SCLY: variants seen among roughly 807,000 people sequenced by gnomAD.
SCLY encodes the protein putative selenocysteine lyase.
A neutral mutation model predicts 50.1 loss-of-function variants in SCLY; 38 were observed. That is an observed-to-expected ratio of 0.76 (90% CI 0.59 to 0.99). The LOEUF (loss-of-function observed/expected upper bound fraction) is 0.99. Among genes scored for constraint, SCLY ranks in the 50% least tolerant of loss-of-function variants. The probability of loss-of-function intolerance (pLI) is 0.00; values close to 1 mark genes in which losing one functional copy is unlikely to be tolerated. For synonymous variants in SCLY, 243 were observed against 249.4 expected, an observed-to-expected ratio of 0.97 and a Z score of 0.24; for missense variants, 600 against 620.0, an observed-to-expected ratio of 0.97 and a Z score of 0.34.
At chr2:238,077,745 C>T (rs2252416) in intron 4 of SCLY, among the ~76,000 whole-genome samples, 42,430 of 152,062 alleles carry the variant, frequency 0.28, 6,400 homozygotes, top group East Asian at 0.51. Flanking sequence ...TCATCTGATA[C>T]CTGAATGTAT....
At chr2:238,091,339 G>T in intron 8 of SCLY, 85 bp downstream of exon 8, 1 of 1,093,900 alleles carries the variant, frequency 9.1e-7, no homozygotes, top group South Asian at 1.2e-5. Context: ...TGGGGCTTTA[G>T]GGAGATCATA....
chr2:238,082,934 T>A (rs528290176), intron 6 of SCLY: 451 of 320,394 alleles, frequency 1.4e-3, no homozygotes, highest in Admixed American at 3.5e-3. Flanking sequence ...TTTTTTTTTT[T>A]AAACCTGTGA....
At chr2:238,068,040 T>C (rs769178467) in intron 2 of SCLY, 25 bp from the exon 3 acceptor site, 4 of 1,551,122 alleles carry the variant, frequency 2.6e-6, no homozygotes, top group Admixed American at 3.5e-5. Context: ...GCAATGTTAA[T>C]GAATTTCCTT....
Position 238,068,129 on chromosome 2 carries a change from A to G in SCLY, c.267A>G (p.Lys89=), listed in dbSNP as rs144982752. ...RESLAKMIGG[K]PQDIIFTSGG... is the part of the protein sequence containing the mutation. ...GCCTCGCGAAGATGATAGGGGGGAA[A>G]CCTCAAGATATAATCTTCACTTCCG... The change falls in exon 3 of 12, where the codon AAA becomes AAG. Residue 89 remains lysine (K), a synonymous_variant. Transcript: ENST00000254663. 1.3e-4 allele frequency: 207 copies of G among 1,611,340 alleles called. No homozygotes were observed. The highest frequency in any genetic ancestry group is 1.7e-4 in the Non-Finnish European group (201 of 1,178,888).
chr2:238,076,683 G>C (rs2441680), intron 4 of SCLY, among the ~76,000 whole-genome samples: 3 of 149,130 alleles, frequency 2.0e-5, no homozygotes, highest in Non-Finnish European at 4.5e-5. Context: ...AATCCCCCTC[G>C]GTGAGAAACA....
chr2:238,064,750 G>GA lies in SCLY; in HGVS notation c.202+281_202+282insA. The stretch of plus-strand genomic sequence containing the variant: ...AGGTGTCTACTGAGAGTTCCTTGAA[G>GA]TAGCAGTCAGTACCTGTGGAGCACT... On this transcript the variant is annotated intron_variant, in intron 2 of 11. Transcript: ENST00000254663. The GA allele has an allele frequency of 1.8e-5, 4 of 228,304 alleles. No homozygotes were observed. In the South Asian group the frequency reaches 2.2e-4, roughly 12 times the overall value. The allele number at this position is 228,304 out of a possible 1,614,324, so 14.1% of individuals were successfully genotyped here. A position where few individuals can be genotyped will look rare whatever the true frequency, so the allele number is the denominator to read the frequency against.
At chr2:238,091,533 T>C in intron 8 of SCLY, 6 of 400,280 alleles carry the variant, frequency 1.5e-5, no homozygotes, top group Admixed American at 4.0e-5. Flanking sequence ...AGGTGAAGTG[T>C]CAAGCTGCAG....
Position 238,098,607 on chromosome 2 carries a change from G to GA in SCLY, c.*253dup, listed in dbSNP as rs1691319288. On this transcript the variant is annotated 3_prime_UTR_variant, in exon 12 of 12. Transcript: ENST00000254663. ...CGCCCACATAGGACCGCCCACATAG[G>GA]ACCGCCCACATGGGACCGCCCACAT... is the stretch of plus-strand genomic sequence containing the variant. 6 of 372,368 alleles carry GA rather than the reference G, an allele frequency of 1.6e-5. No homozygotes were observed. Among genetic ancestry groups the GA allele is most frequent in the African/African-American group, 1.5e-4 (5 of 32,400 alleles). 23.1% of individuals were successfully genotyped at this position (372,368 alleles called of 1,614,324 possible). A position where few individuals can be genotyped will look rare whatever the true frequency, so the allele number is the denominator to read the frequency against.
rs374937040 is a variant in SCLY, at chr2:238,082,039, C to T, written c.613-6C>T. 47 of 1,610,340 alleles carry T rather than the reference C, an allele frequency of 2.9e-5. No individual in the cohort carries two copies. In the African/African-American group the frequency reaches 4.4e-4, roughly 15 times the overall value. ...AACATACTCAACTGTTTCCTTTCCC[C>T]GTCAGCCTGTCCCTGAAATCAGTCA... On this transcript the variant is annotated splice_region_variant and splice_polypyrimidine_tract_variant and intron_variant, in intron 5 of 11. Transcript: ENST00000254663.
chr2:238,091,326 A>T (rs779262881), intron 8 of SCLY, 72 bp downstream of exon 8: 2 of 1,242,816 alleles, frequency 1.6e-6, no homozygotes, highest in South Asian at 2.4e-5. Context: ...TCTAGTAGGA[A>T]TCTGGGGCTT....
rs1276292205 is a variant in SCLY at position 238,061,472 on chromosome 2, C to T, written c.89+329C>T. Reference sequence around the variant, plus strand: ...GGGCAGGGGACTTGCCGGAGGTGAACCGGCAGAGCCCCTGAGCCCGGGAAG... The same window carrying T: ...GGGCAGGGGACTTGCCGGAGGTGAATCGGCAGAGCCCCTGAGCCCGGGAAG... On this transcript the variant is annotated intron_variant, in intron 1 of 11. Coordinates refer to ENST00000254663, the MANE Select transcript of SCLY (RefSeq NM_016510.7). 1.9e-5 allele frequency: 8 copies of T among 425,794 alleles called. No individual in the cohort carries two copies. In the Admixed American group the frequency reaches 2.6e-4, roughly 14 times the overall value. 26.4% of individuals were successfully genotyped at this position (425,794 alleles called of 1,614,324 possible). A position where few individuals can be genotyped will look rare whatever the true frequency, so the allele number is the denominator to read the frequency against.
At chr2:238,091,352 C>T (rs977800249) in intron 8 of SCLY, 98 bp downstream of exon 8, 1 of 963,016 alleles carries the variant, frequency 1.0e-6, no homozygotes, top group South Asian at 1.3e-5. Context: ...AGATCATATT[C>T]GTGATCTCAT....
chr2:238,090,580 C>T (rs781409338), intron 7 of SCLY, among the ~76,000 whole-genome samples: 3 of 152,184 alleles, frequency 2.0e-5, no homozygotes, highest in Non-Finnish European at 4.4e-5. Flanking sequence ...GTGGAGGATG[C>T]AGTGAGTCGA....
chr2:238,088,260 G>A (rs866257780), intron 7 of SCLY, among the ~76,000 whole-genome samples: 5 of 151,712 alleles, frequency 3.3e-5, no homozygotes, highest in Middle Eastern at 3.4e-3. Flanking sequence ...TCAGGAGTTC[G>A]GGCCCAGCCT....
intron 11 of SCLY, among the ~76,000 whole-genome samples, chr2:238,097,668 G>T (rs2065453816): frequency 6.6e-6 from 1 of 152,074 alleles, no homozygotes; most frequent in Non-Finnish European, 1.5e-5. Flanking sequence ...GGAGGAAAGG[G>T]ACCCGGGTGT....
chr2:238,087,161 CAAA>C (rs34951361), intron 7 of SCLY, among the ~76,000 whole-genome samples: 1 of 124,080 alleles, frequency 8.1e-6, no homozygotes. Flanking sequence ...CCTGTTTCTA[CAAA>C]AAAAAAAAAA....
At chr2:238,097,001 C>A in intron 11 of SCLY, 125 bp downstream of exon 11, 1 of 943,470 alleles carries the variant, frequency 1.1e-6, no homozygotes, top group Non-Finnish European at 1.5e-6. Flanking sequence ...CCTGTCTGGG[C>A]CCTAGGAGGG....
intron 1 of SCLY, among the ~76,000 whole-genome samples, 192 bp from the exon 2 acceptor site, chr2:238,064,165 A>C (rs1474833734): frequency 2.0e-5 from 3 of 152,232 alleles, no homozygotes; most frequent in African/African-American, 2.4e-5. Flanking sequence ...GAAATTATGC[A>C]TGCATTTTCC....
chr2:238,081,700 G>A lies in SCLY; in HGVS notation c.485-9G>A. On this transcript the variant is annotated splice_polypyrimidine_tract_variant and intron_variant, in intron 4 of 11. Coordinates refer to ENST00000254663, the MANE Select transcript of SCLY (RefSeq NM_016510.7). ...GCAGCTCAGTTCGGTACTCATGTTTGTTTCCCAGCGGTCACCTTTGTCCCG... is the reference window on the plus strand; with the variant it reads ...GCAGCTCAGTTCGGTACTCATGTTTATTTCCCAGCGGTCACCTTTGTCCCG... 1 of 1,612,178 alleles carries A rather than the reference G, an allele frequency of 6.2e-7. No individual in the cohort carries two copies.
Sources: gnomAD v4.1 joint callset for allele counts (sites outside exome capture counted in the v4.1 genomes callset) on GRCh38, gnomAD v4.1.1 for gene constraint, MANE v1.5 for transcripts, NCBI Gene and HGNC (gene_info 2026-07-23, HGNC 2026-07-21) for gene names.